The following IGSF1 variants were observed in gnomAD, a reference collection of about 807,000 sequenced individuals.
IGSF1 encodes immunoglobulin superfamily member 1, also known as immunoglobulin-like domain-containing protein 1.
A neutral mutation model predicts 95.3 loss-of-function variants in IGSF1; 40 were observed. That is an observed-to-expected ratio of 0.42 (90% CI 0.33 to 0.55). The LOEUF is 0.55. Ranked by LOEUF, IGSF1 falls within the 20% of genes least tolerant of loss-of-function variation. The pLI, the probability that IGSF1 is intolerant of heterozygous loss-of-function variation, is 0.10. For synonymous variants in IGSF1, 372 were observed against 382.9 expected (o/e 0.97, Z 0.33); for missense variants, 906 against 1,025.4 (o/e 0.88, Z 1.59).
chrX:131,274,652 T>C lies in IGSF1; in HGVS notation c.3698A>G (p.Tyr1233Cys). Reference sequence around the variant, plus strand: ...ACTAGGCTCTGACCAGATATCAGGGTAGGCCTGGAGGCGGTAGCTGCAGCT... The same window carrying C: ...ACTAGGCTCTGACCAGATATCAGGGCAGGCCTGGAGGCGGTAGCTGCAGCT... ...NYSCSYRLQA[Y>C]PDIWSEPSDP... The change falls in exon 18 of 20, where the codon TAC becomes TGC. Residue 1233 changes from tyrosine to cysteine, a missense_variant. Coordinates refer to ENST00000361420, the MANE Select transcript of IGSF1 (RefSeq NM_001555.5). 1.7e-6 allele frequency: 2 copies of C among 1,211,720 alleles called. No homozygotes were observed. Among genetic ancestry groups the C allele is most frequent in the Non-Finnish European group, 2.2e-6 (2 of 895,224 alleles).
At chrX:131,278,838 C>G in intron 11 of IGSF1, 87 bp from the exon 12 acceptor site, 1 of 864,544 alleles carries the variant, frequency 1.2e-6, no homozygotes. Flanking sequence ...CCAGATCACA[C>G]TGCCCACCTC....
At position 131,282,677 on chromosome X, in the gene IGSF1, T is replaced by C. The variant is rs1327800070; in HGVS notation, c.1013A>G (p.Asn338Ser). 4.1e-6 allele frequency: 5 copies of C among 1,209,169 alleles called. No homozygotes were observed. The highest frequency in any genetic ancestry group is 2.2e-5 in the Admixed American group (1 of 45,789). Residue 338 changes from asparagine to serine, a missense_variant, in exon 7 of 20, where the codon AAT becomes AGT. Physicochemically the swap from Asn to Ser is conservative, Grantham distance 46 (BLOSUM62 1). Around this residue, in one of 5 missense-constraint regions of IGSF1, gnomAD observed 442 missense variants for 448.1 expected, o/e 0.99. Coordinates refer to ENST00000361420, the MANE Select transcript of IGSF1 (RefSeq NM_001555.5). ...TGGTCCTCGACACCGTAGGCTCACA[T>C]TCTGACCCATTTGGACCACAGCACT... ...RPSAVVQMGQ[N>S]VSLRCRGPVD...
chrX:131,283,717 A>C (rs777564037), intron 5 of IGSF1, among the ~76,000 whole-genome samples: 21 of 112,468 alleles, frequency 1.9e-4, no homozygotes, highest in Non-Finnish European at 7.5e-5. Context: ...AGAAGCCAAT[A>C]AAGAGGGTTT....
Position 131,277,025 on chromosome X carries a change from A to T in IGSF1, c.2522T>A (p.Ile841Asn). ...GCAGCTGTAATTCCCTCCATCACCA[A>T]TGCCCACCGAAATGATTAGAAAGTG... ...AAHFLIISVG[I>N]GDGGNYSCRY... The change falls in exon 14 of 20, where the codon ATT (isoleucine) becomes AAT (asparagine). Residue 841 changes from isoleucine to asparagine, a missense_variant. Ile to Asn is a moderately radical substitution (Grantham distance 149). Transcript: ENST00000361420. 8.3e-7 allele frequency: 1 copy of T among 1,209,759 alleles called. No homozygotes were observed.
chrX:131,277,804 T>C, intron 13 of IGSF1, 52 bp downstream of exon 13: 1 of 1,147,265 alleles, frequency 8.7e-7, no homozygotes, highest in Non-Finnish European at 1.2e-6. Context: ...CCCAGGGCTT[T>C]GCCTTTCCCT....
At position 131,289,268 on chromosome X, in the gene IGSF1, G is replaced by C; in HGVS notation, c.-122C>G. The C allele has an allele frequency of 2.7e-6, 1 of 375,446 alleles. No individual in the cohort carries two copies. Among genetic ancestry groups the C allele is most frequent in the Non-Finnish European group, 5.2e-6 (1 of 192,534 alleles). 30.9% of individuals were successfully genotyped at this position (375,446 alleles called of 1,213,427 possible). A position where few individuals can be genotyped will look rare whatever the true frequency, so the allele number is the denominator to read the frequency against. ...GATTCTCCAGTGAGCTCCTCCAGAT[G>C]CAGCAAACTGCCCGGCATGAGAAGA... On this transcript the variant is annotated 5_prime_UTR_variant, in exon 1 of 20. Transcript: ENST00000361420.
At chrX:131,276,447 C>T (rs1188373532) in intron 14 of IGSF1, among the ~76,000 whole-genome samples, 199 bp from the exon 15 acceptor site, 2 of 111,465 alleles carry the variant, frequency 1.8e-5, no homozygotes, top group Non-Finnish European at 3.8e-5. Context: ...TTATTCTTTC[C>T]ATATATTCCC....
chrX:131,274,896 C>G lies in IGSF1; in HGVS notation c.3473-19G>C. On this transcript the variant is annotated intron_variant, in intron 17 of 19. Transcript: ENST00000361420. ...GGCTTATCTGCAACCAACAAGGACA[C>G]AGAGTTAAAAGAAATGATCCTGAAC... 1 of 1,207,433 alleles carries G rather than the reference C, an allele frequency of 8.3e-7. No homozygotes were observed. The highest frequency in any genetic ancestry group is 1.8e-5 in the South Asian group (1 of 56,214).
Position 131,286,587 on chromosome X carries a change from C to G in IGSF1, c.70+18G>C, listed in dbSNP as rs1471007754. ...CTATGACAGGGTCACTTGCCCCTCA[C>G]CCCTTCCTTGTACTCACGAATGCAA... On this transcript the variant is annotated intron_variant, in intron 2 of 19. Coordinates refer to ENST00000361420, the MANE Select transcript of IGSF1 (RefSeq NM_001555.5). 8.3e-7 allele frequency: 1 copy of G among 1,201,023 alleles called. No individual in the cohort carries two copies. The highest frequency in any genetic ancestry group is 1.1e-6 in the Non-Finnish European group (1 of 888,267).
rs2080509072 is a variant in IGSF1, at chrX:131,278,487, C to G, written c.2015G>C (p.Ser672Thr). The change falls in exon 12 of 20, where the codon AGT becomes ACT. Residue 672 changes from serine (S) to threonine (T), a missense_variant. Ser to Thr is a moderately conservative substitution (Grantham distance 58). Coordinates refer to ENST00000361420, the MANE Select transcript of IGSF1 (RefSeq NM_001555.5). ...SWEEMAVSEP[S>T]EALELVGTDI... is the part of the protein sequence containing the mutation. ...TGTCCCCACCAGCTCAAGTGCCTCA[C>G]TGGGCTCCGATACAGCCATCTCCTC... The G allele has an allele frequency of 1.7e-6, 2 of 1,203,618 alleles. No homozygotes were observed. The highest frequency in any genetic ancestry group is 2.2e-6 in the Non-Finnish European group (2 of 891,447).
At chrX:131,285,571 T>C in intron 4 of IGSF1, 105 bp from the exon 5 acceptor site, 1 of 918,325 alleles carries the variant, frequency 1.1e-6, no homozygotes, top group Non-Finnish European at 1.5e-6. Flanking sequence ...GTATGATCCT[T>C]GTTTGCCACC....
chrX:131,285,635 A>G (rs957389267), intron 4 of IGSF1, 132 bp downstream of exon 4: 51 of 831,758 alleles, frequency 6.1e-5, no homozygotes, highest in East Asian at 5.7e-4. Flanking sequence ...GCATTGCCCA[A>G]TACAAAGTAG....
intron 19 of IGSF1, 23 bp downstream of exon 19, chrX:131,274,060 G>A (rs370366617): frequency 3.3e-6 from 4 of 1,208,846 alleles, no homozygotes; most frequent in African/African-American, 3.5e-5. Context: ...ACAGAAGGGG[G>A]CCATAATGAG....
At chrX:131,281,615 T>C (rs1309174635) in intron 8 of IGSF1, 51 bp downstream of exon 8, 6 of 1,148,122 alleles carry the variant, frequency 5.2e-6, no homozygotes, top group East Asian at 3.0e-5. Context: ...GGCACTGATC[T>C]GGGATCCCTG....
chrX:131,284,140 C>A, intron 5 of IGSF1: 2 of 693,054 alleles, frequency 2.9e-6, no homozygotes, highest in Non-Finnish European at 3.4e-6. Flanking sequence ...TTCTTTGATC[C>A]TCAATAAAAA....
Position 131,285,779 on chromosome X carries a change from A to T in IGSF1, c.367T>A (p.Leu123Met). The change falls in exon 4 of 20, where the codon TTG (leucine) becomes ATG (methionine). Residue 123 changes from leucine (L) to methionine (M), a missense_variant. Leu to Met is a conservative substitution (Grantham distance 15, BLOSUM62 2). This residue lies in a region of IGSF1 where 442 missense variants were observed against 448.1 expected (regional missense o/e 0.99). Transcript: ENST00000361420. Reference protein sequence around the residue: ...GWSKPSKVLELEAPGQLPKPI... With the variant: ...GWSKPSKVLEMEAPGQLPKPI... ...ACTGTCATCTTACCTGGTGCCTCCA[A>T]CTCTAGAACTTTACTGGGCTTTGAC... The T allele has an allele frequency of 8.3e-7, 1 of 1,207,333 alleles. No individual in the cohort carries two copies. The highest frequency in any genetic ancestry group is 1.1e-6 in the Non-Finnish European group (1 of 892,854).
Position 131,274,867 on chromosome X carries a change from A to G in IGSF1, c.3483T>C (p.Pro1161=). The change falls in exon 18 of 20, where the codon CCT becomes CCC. Residue 1161 remains proline (P), a synonymous_variant. Coordinates refer to ENST00000361420, the MANE Select transcript of IGSF1 (RefSeq NM_001555.5). ...TGGGCCAGGCTGACAGAGAGGGTTT[A>G]GGGGGCTTATCTGCAACCAACAAGG... ...SLEIWVTDKP[P]KPSLSAWPST... The G allele has an allele frequency of 8.3e-7, 1 of 1,210,750 alleles. No individual in the cohort carries two copies. Among genetic ancestry groups the G allele is most frequent in the East Asian group, 3.0e-5 (1 of 33,830 alleles).
intron 5 of IGSF1, chrX:131,284,613 T>C: frequency 1.3e-6 from 1 of 751,885 alleles, no homozygotes; most frequent in Non-Finnish European, 1.6e-6. Flanking sequence ...GGGAAATTTC[T>C]TCTATATTTA....
chrX:131,277,586 C>G (rs2124092803), intron 13 of IGSF1: 1 of 384,539 alleles, frequency 2.6e-6, no homozygotes, highest in East Asian at 4.1e-5. Flanking sequence ...AAGAGTTGCT[C>G]TATGGTGAAG....
Sources: allele counts gnomAD v4.1 joint callset (sites outside exome capture counted in the v4.1 genomes callset), GRCh38; gene constraint gnomAD v4.1.1; regional missense constraint gnomAD v4.1.1; transcripts MANE v1.5; gene names NCBI Gene and HGNC (gene_info 2026-07-23, HGNC 2026-07-21).